PCGF3: variants seen among roughly 807,000 people sequenced by gnomAD.
PCGF3 encodes polycomb group RING finger protein 3.
PCGF3 carries 7 observed loss-of-function variants against 33.1 expected under a neutral mutation model. That is an observed-to-expected ratio of 0.21 (90% CI 0.12 to 0.40). The LOEUF is 0.40. Among genes scored for constraint, PCGF3 ranks in the 10% least tolerant of loss-of-function variants. The probability of loss-of-function intolerance (pLI) is 1.00; values close to 1 mark genes in which losing one functional copy is unlikely to be tolerated. For missense variants in PCGF3, 211 were observed against 313.3 expected (o/e 0.67, Z 2.46); for synonymous variants, 153 against 121.3 (o/e 1.26, Z -1.72).
intron 6 of PCGF3, 135 bp from the exon 7 acceptor site, chr4:743,339 T>C (rs1036460383): frequency 3.2e-6 from 2 of 618,056 alleles, no homozygotes; most frequent in East Asian, 5.9e-5. Context: ...TCAGTCTTAA[T>C]TTGCTGCTTT....
At chr4:719,335 G>C (rs141315724) in intron 1 of PCGF3, among the ~76,000 whole-genome samples, 1 of 152,318 alleles carries the variant, frequency 6.6e-6, no homozygotes, top group Non-Finnish European at 1.5e-5. Context: ...TCCTAACCTG[G>C]TCGTCTCCAG....
At chr4:767,672 G>A (rs999281732) in exon 11 of PCGF3, 1 of 152,220 alleles carries the variant, frequency 6.6e-6, no homozygotes, top group Non-Finnish European at 1.5e-5. Flanking sequence ...TCAGTGTAAG[G>A]CCTTTTAAAA....
intron 8 of PCGF3, among the ~76,000 whole-genome samples, chr4:760,622 C>T (rs748847349): frequency 6.6e-6 from 1 of 152,238 alleles, no homozygotes; most frequent in African/African-American, 2.4e-5. Flanking sequence ...CCGTTTGTTG[C>T]GGCTCCACCT....
chr4:709,863 C>A (rs1742492215), intron 1 of PCGF3, among the ~76,000 whole-genome samples: 2 of 152,230 alleles, frequency 1.3e-5, no homozygotes, highest in Admixed American at 6.5e-5. Context: ...CTCTTACTCG[C>A]CCAGTGTAAC....
intron 6 of PCGF3, among the ~76,000 whole-genome samples, chr4:742,322 C>T (rs1281628860): frequency 6.6e-6 from 1 of 152,206 alleles, no homozygotes; most frequent in Non-Finnish European, 1.5e-5. Flanking sequence ...GGTCCCTGCA[C>T]GGTTGGTGTT....
At position 720,346 on chromosome 4, in the gene PCGF3, T is replaced by C. The variant is rs1030840097; in HGVS notation, c.-189-10284T>C. ...TGACTGCGGGAGGAGCGCCTGTGCA[T>C]CGCTGTGGAGGGTGACTGTGCAGGA... On this transcript the variant is annotated intron_variant, in intron 1 of 10. Transcript: ENST00000362003. The surrounding 1 kb of genome is among the most constrained non-coding windows in gnomAD (Gnocchi z 5.6). Among the ~76,000 whole-genome samples, 2 of 151,824 alleles carry C rather than the reference T, an allele frequency of 1.3e-5. No individual in the cohort carries two copies. The highest frequency in any genetic ancestry group is 2.9e-5 in the Non-Finnish European group (2 of 67,924).
At chr4:733,243 G>A (rs1743690307) in intron 3 of PCGF3, among the ~76,000 whole-genome samples, 2 of 152,246 alleles carry the variant, frequency 1.3e-5, no homozygotes, top group African/African-American at 2.4e-5. Context: ...GCTGTGAGCC[G>A]CAGAGGGTCC....
chr4:765,199 C>T (rs184235622), intron 10 of PCGF3, 135 bp downstream of exon 10: 241 of 613,336 alleles, frequency 3.9e-4, no homozygotes, highest in Middle Eastern at 7.6e-4. Context: ...TTTGGGAGGA[C>T]GAGGCGGGCG....
At chr4:736,874 C>T (rs761649098) in intron 5 of PCGF3, among the ~76,000 whole-genome samples, 18 of 118,838 alleles carry the variant, frequency 1.5e-4, no homozygotes, top group Non-Finnish European at 2.8e-4. Context: ...GCGCACGGGA[C>T]GCGGGGAACC....
rs1269502236 is a variant in PCGF3, at chr4:720,189, C to T, written c.-189-10441C>T. ...GATGTGGCCCTGCTGCCGGAGTATG[C>T]CAAGCACGAGGGGCCAGGTGGCACA... On this transcript the variant is annotated intron_variant, in intron 1 of 10. Coordinates refer to ENST00000362003, the Ensembl canonical transcript of PCGF3. The surrounding 1 kb of genome is among the most constrained non-coding windows in gnomAD (Gnocchi z 5.6). Among the ~76,000 whole-genome samples, 2 of 152,134 alleles carry T rather than the reference C, an allele frequency of 1.3e-5. No homozygotes were observed. Among genetic ancestry groups the T allele is most frequent in the East Asian group, 3.9e-4 (2 of 5,178 alleles).
chr4:718,251 G>T (rs888736783), intron 1 of PCGF3, among the ~76,000 whole-genome samples: 1 of 152,100 alleles, frequency 6.6e-6, no homozygotes, highest in African/African-American at 2.4e-5. Context: ...TGGAGTCGGG[G>T]GGTCTGTGGG....
chr4:716,921 G>A (rs1264918955), intron 1 of PCGF3, among the ~76,000 whole-genome samples: 1 of 147,364 alleles, frequency 6.8e-6, no homozygotes, highest in Non-Finnish European at 1.5e-5. Context: ...AGAACTGGGC[G>A]TGGGTGCTGG....
chr4:755,926 T>C (rs1418162633), intron 8 of PCGF3, among the ~76,000 whole-genome samples: 4 of 118,304 alleles, frequency 3.4e-5, no homozygotes, highest in Admixed American at 1.7e-4. Flanking sequence ...TTTTTTTTTT[T>C]TTTTTTGGAG....
At chr4:733,088 GC>G (rs1743676296) in intron 3 of PCGF3, among the ~76,000 whole-genome samples, 1 of 149,338 alleles carries the variant, frequency 6.7e-6, no homozygotes, top group African/African-American at 2.6e-5. Flanking sequence ...GCCCCGTGCT[GC>G]CTCCGCCCCT....
intron 1 of PCGF3, among the ~76,000 whole-genome samples, chr4:728,924 A>G (rs902354330): frequency 4.6e-5 from 7 of 151,794 alleles, no homozygotes; most frequent in Admixed American, 3.3e-4. Flanking sequence ...ACATGGTGAA[A>G]CCCCATCTCT....
At chr4:706,956 G>A (rs1435259095) in intron 1 of PCGF3, among the ~76,000 whole-genome samples, 2 of 141,828 alleles carry the variant, frequency 1.4e-5, no homozygotes, top group Admixed American at 6.9e-5. Context: ...AGGCAGGACC[G>A]CGGGAGGGTA....
chr4:723,797 C>T (rs529131156), intron 1 of PCGF3: 1 of 152,628 alleles, frequency 6.6e-6, no homozygotes, highest in South Asian at 2.1e-4. Context: ...TGCAACACCC[C>T]CTGTGACCCA....
intron 2 of PCGF3, 34 bp from the exon 3 acceptor site, chr4:730,936 C>T: frequency 2.5e-6 from 1 of 398,106 alleles, no homozygotes; most frequent in Non-Finnish European, 4.4e-6. Flanking sequence ...ATCCATGACG[C>T]GAAGTGAACT....
rs1329377428 is a variant in PCGF3, at chr4:733,629, T to C, written c.-9-43T>C. On this transcript the variant is annotated intron_variant, in intron 3 of 10. Transcript: ENST00000362003. Reference sequence around the variant, plus strand: ...AGAGCTCAGCCAAGGATGAAAGGCATGGAAGAGTTTCAGGTGTTAATTAAT... The same window carrying C: ...AGAGCTCAGCCAAGGATGAAAGGCACGGAAGAGTTTCAGGTGTTAATTAAT... 3 of 1,564,332 alleles carry C rather than the reference T, an allele frequency of 1.9e-6. No homozygotes were observed. In the African/African-American group the frequency reaches 4.0e-5, roughly 21 times the overall value.
Sources: allele counts gnomAD v4.1 joint callset (sites outside exome capture counted in the v4.1 genomes callset), GRCh38; gene constraint gnomAD v4.1.1; non-coding constraint Gnocchi (gnomAD v3.1); transcripts MANE v1.5; gene names NCBI Gene and HGNC (gene_info 2026-07-23, HGNC 2026-07-21).